The following RBFOX1 variants were observed in gnomAD, a reference collection of about 807,000 sequenced individuals.
The protein encoded by RBFOX1 is RNA binding protein fox-1 homolog 1.
Under a neutral mutation model 57.7 loss-of-function variants are expected in RBFOX1, and 8 were observed. The ratio of observed to expected loss-of-function variants is 0.14; its 90% confidence interval spans 0.08 to 0.25. RBFOX1 has a LOEUF of 0.25. Among genes scored for constraint, RBFOX1 ranks in the 10% least tolerant of loss-of-function variants. The pLI is 1.00. For missense variants in RBFOX1, 611 were observed against 548.5 expected (o/e 1.11, Z -1.14); for synonymous variants, 326 against 222.4 (o/e 1.47, Z -4.15).
chr16:6,426,575 G>A (rs1319129318), intron 2 of RBFOX1, among the ~76,000 whole-genome samples: 1 of 152,090 alleles, frequency 6.6e-6, no homozygotes, highest in East Asian at 1.9e-4. Flanking sequence ...AGGCTGCAGT[G>A]AGCCATGATT....
chr16:6,825,906 G>A (rs72766768), intron 3 of RBFOX1, among the ~76,000 whole-genome samples: 9,004 of 152,238 alleles, frequency 0.059, 401 homozygotes, highest in Non-Finnish European at 0.096. Flanking sequence ...TTTAGGAATC[G>A]TGTGACTTTA....
chr16:5,396,685 C>A (rs1379995446), intron 1 of RBFOX1, among the ~76,000 whole-genome samples: 1 of 152,080 alleles, frequency 6.6e-6, no homozygotes, highest in Non-Finnish European at 1.5e-5. Flanking sequence ...GATCAAGATT[C>A]AAGACCCCTC....
At chr16:6,590,554 A>T (rs999190354) in intron 2 of RBFOX1, among the ~76,000 whole-genome samples, 1 of 152,070 alleles carries the variant, frequency 6.6e-6, no homozygotes, top group Non-Finnish European at 1.5e-5. Context: ...CTAGTTTGTA[A>T]CTCATTTAGT....
intron 4 of RBFOX1, among the ~76,000 whole-genome samples, chr16:6,011,407 A>T (rs1179468274): frequency 6.6e-6 from 1 of 152,256 alleles, no homozygotes; most frequent in East Asian, 1.9e-4. Context: ...TCCCCTATAC[A>T]TAAACAGAGG....
intron 4 of RBFOX1, among the ~76,000 whole-genome samples, chr16:7,181,357 A>G (rs1165793189): frequency 1.3e-5 from 2 of 152,096 alleles, no homozygotes; most frequent in African/African-American, 4.8e-5. Context: ...CTTTGGTTCT[A>G]CTTTTCCCTA....
intron 3 of RBFOX1, among the ~76,000 whole-genome samples, chr16:6,934,667 C>T (rs190533126): frequency 1.3e-5 from 2 of 152,006 alleles, no homozygotes; most frequent in African/African-American, 4.8e-5. Context: ...CATATTCTCA[C>T]TCATATGTGG....
chr16:5,891,314 C>T (rs940050274), intron 4 of RBFOX1, among the ~76,000 whole-genome samples: 3 of 152,116 alleles, frequency 2.0e-5, no homozygotes, highest in South Asian at 2.1e-4. Context: ...ACCAGCTGAT[C>T]GCAGCACACG....
chr16:7,371,424 G>A lies in RBFOX1; in HGVS notation c.28-146723G>A, dbSNP rs555876768. Among the ~76,000 whole-genome samples, 6 of 152,258 alleles carry A rather than the reference G, an allele frequency of 3.9e-5. No individual in the cohort carries two copies. The South Asian group carries it at 8.3e-4, about 21-fold the overall frequency. ...AGCTAATCAGTATCAGCGGCCATTA[G>A]GAGAAAGAAAAAAGCACCATTGTGT... On this transcript the variant is annotated intron_variant, in intron 4 of 15. Coordinates refer to ENST00000550418, the MANE Select transcript of RBFOX1 (RefSeq NM_018723.4).
chr16:6,049,322 CT>C (rs1350528923), intron 1 of RBFOX1, among the ~76,000 whole-genome samples: 2 of 85,046 alleles, frequency 2.4e-5, no homozygotes, highest in Non-Finnish European at 5.5e-5. Context: ...CCTCAGTCTC[CT>C]TTAAAAAAAA....
At chr16:6,211,914 G>A (rs768216697) in intron 1 of RBFOX1, among the ~76,000 whole-genome samples, 5 of 151,528 alleles carry the variant, frequency 3.3e-5, no homozygotes, top group Non-Finnish European at 7.4e-5. Context: ...AAGTGGCATG[G>A]TCTCAGCTCA....
intron 3 of RBFOX1, among the ~76,000 whole-genome samples, chr16:6,658,449 C>T (rs747321988): frequency 7.2e-5 from 11 of 151,990 alleles, no homozygotes; most frequent in Admixed American, 2.0e-4. Flanking sequence ...CCTCGTGATC[C>T]GCCTGCTTCA....
intron 4 of RBFOX1, among the ~76,000 whole-genome samples, chr16:5,985,765 C>G (rs2060274087): frequency 6.6e-6 from 1 of 152,182 alleles, no homozygotes. Context: ...CCAGTGTGTC[C>G]TCAGTGACCT....
chr16:7,283,539 G>C (rs562825649), intron 4 of RBFOX1, among the ~76,000 whole-genome samples: 1 of 152,022 alleles, frequency 6.6e-6, no homozygotes. Context: ...TCCCCTCTGT[G>C]TTGGCCAGGG....
chr16:6,711,794 A>G (rs1568315094), intron 3 of RBFOX1, among the ~76,000 whole-genome samples: 3 of 152,096 alleles, frequency 2.0e-5, no homozygotes, highest in Admixed American at 1.3e-4. Context: ...TTCTTTCAAG[A>G]TCTTTGCATT....
At chr16:7,154,318 A>C (rs2076670312) in intron 4 of RBFOX1, among the ~76,000 whole-genome samples, 1 of 152,174 alleles carries the variant, frequency 6.6e-6, no homozygotes, top group African/African-American at 2.4e-5. Flanking sequence ...GATACAGAGG[A>C]AAGGGAATCA....
At chr16:5,413,877 A>G (rs2067089916) in intron 1 of RBFOX1, among the ~76,000 whole-genome samples, 1 of 152,058 alleles carries the variant, frequency 6.6e-6, no homozygotes, top group African/African-American at 2.4e-5. Context: ...GTGAGTGTTG[A>G]TGTTTGCCCT....
chr16:7,696,733 G>T (rs2078924549), intron 14 of RBFOX1, among the ~76,000 whole-genome samples: 2 of 152,140 alleles, frequency 1.3e-5, no homozygotes, highest in East Asian at 1.9e-4. Flanking sequence ...TGTACTTACT[G>T]TAATGAATCA....
chr16:7,387,362 A>G (rs2097901926), intron 4 of RBFOX1, among the ~76,000 whole-genome samples: 2 of 152,180 alleles, frequency 1.3e-5, no homozygotes, highest in Admixed American at 1.3e-4. Context: ...CACAGCTGAT[A>G]AAGAGAGGAT....
At chr16:6,906,809 A>G (rs1176336885) in intron 3 of RBFOX1, among the ~76,000 whole-genome samples, 1 of 149,476 alleles carries the variant, frequency 6.7e-6, no homozygotes, top group African/African-American at 2.5e-5. Flanking sequence ...TGCAACCTCT[A>G]CCTCCTGGGT....
Sources: gnomAD v4.1 joint callset for allele counts (sites outside exome capture counted in the v4.1 genomes callset) on GRCh38, gnomAD v4.1.1 for gene constraint, MANE v1.5 for transcripts, NCBI Gene and HGNC (gene_info 2026-07-23, HGNC 2026-07-21) for gene names.